The following OTUD7B variants were observed in gnomAD, a reference collection of about 807,000 sequenced individuals.
OTUD7B encodes OTU domain-containing protein 7B.
In OTUD7B, 34 loss-of-function variants were observed where a neutral mutation model predicts 82.2. The ratio of observed to expected loss-of-function variants is 0.41; its 90% CI spans 0.31 to 0.55. The LOEUF (loss-of-function observed/expected upper bound fraction) is 0.55, where lower values mean the gene tolerates loss of function less well. Ranked by LOEUF, OTUD7B falls within the 20% of genes least tolerant of loss-of-function variation. The pLI is 0.20. For missense variants in OTUD7B, 944 were observed against 1,062.1 expected, an observed-to-expected ratio of 0.89 and a Z score of 1.55; for synonymous variants, 398 against 402.7, an observed-to-expected ratio of 0.99 and a Z score of 0.14.
chr1:150,034,754 A>T, the OTUD7B span, among the ~76,000 whole-genome samples: 1 of 152,188 alleles, frequency 6.6e-6, no homozygotes, highest in African/African-American at 2.4e-5. Context: ...ATTTGTCCAA[A>T]AATATAAATA....
At chr1:150,065,007 C>T in the OTUD7B span, among the ~76,000 whole-genome samples, 2 of 152,076 alleles carry the variant, frequency 1.3e-5, no homozygotes, top group African/African-American at 4.8e-5. Context: ...AGCTGAAGTA[C>T]ATTTAATTAT....
chr1:150,066,197 A>G, the OTUD7B span, among the ~76,000 whole-genome samples: 3 of 152,240 alleles, frequency 2.0e-5, no homozygotes, highest in Admixed American at 6.5e-5. This position sits in a 1 kb window ranked among gnomAD's most constrained non-coding sequence, Gnocchi z 4.6. Flanking sequence ...TGAATTTTCA[A>G]ATATCAGTAA....
chr1:150,015,110 GTGAA>G (rs782146285), upstream of OTUD7B, among the ~76,000 whole-genome samples: 1 of 151,986 alleles, frequency 6.6e-6, no homozygotes, highest in Non-Finnish European at 1.5e-5. Flanking sequence ...TATCTATTAA[GTGAA>G]TGAATGAATG....
At chr1:149,959,591 T>C in intron 7 of OTUD7B, 93 bp downstream of exon 7, 1 of 764,372 alleles carries the variant, frequency 1.3e-6, no homozygotes, top group South Asian at 1.6e-5. Flanking sequence ...CCTTCTAATA[T>C]CCTCTTAGCA....
chr1:150,062,876 G>A, the OTUD7B span, among the ~76,000 whole-genome samples: 32 of 151,336 alleles, frequency 2.1e-4, no homozygotes, highest in African/African-American at 6.8e-4. Flanking sequence ...CACCACGCCC[G>A]GCTAATTGTG....
intron 1 of OTUD7B, among the ~76,000 whole-genome samples, chr1:149,981,109 G>A (rs782285250): frequency 7.3e-5 from 11 of 151,196 alleles, no homozygotes; most frequent in Admixed American, 4.6e-4. Context: ...AGGAGGAAGA[G>A]GAGGAGGAGG....
rs141761707 is a variant in OTUD7B, at chr1:150,009,743, G to T, written c.-67+705C>A. ...GAGCCGACAAGCTAAAAATACGCCG[G>T]CCCAGTAAACAAATCCCATTCCATC... On this transcript the variant is annotated intron_variant, in intron 1 of 11. Transcript: ENST00000581312. Among the ~76,000 whole-genome samples the T allele has an allele frequency of 5.0e-4, 76 of 152,152 alleles. 1 individual carries two copies. In the East Asian group the frequency reaches 0.014, roughly 28 times the overall value.
intron 7 of OTUD7B, among the ~76,000 whole-genome samples, chr1:149,951,783 C>A (rs1267790607): frequency 6.6e-6 from 1 of 151,940 alleles, no homozygotes; most frequent in African/African-American, 2.4e-5. Context: ...AATTTTTAAC[C>A]ATTATGGAAA....
chr1:149,946,601 G>T (rs1265542471), intron 11 of OTUD7B, among the ~76,000 whole-genome samples: 2 of 151,258 alleles, frequency 1.3e-5, no homozygotes, highest in Non-Finnish European at 2.9e-5. Context: ...AATCAGCCGG[G>T]TGTGGTGGCG....
upstream of OTUD7B, among the ~76,000 whole-genome samples, chr1:150,013,764 T>C (rs1191239070): frequency 1.3e-5 from 2 of 150,254 alleles, no homozygotes. Context: ...CTACTAAAAC[T>C]ACAAAAAATT....
rs1553773829 is a variant in OTUD7B, at chr1:149,952,953, T to C, written c.846-2732A>G. ...TTGTAGATTCTGGATATTAGCCCTT[T>C]GTCAGATGGGTAGATTGCAAAAATT... On this transcript the variant is annotated intron_variant, in intron 7 of 11. Coordinates refer to ENST00000581312, the MANE Select transcript of OTUD7B (RefSeq NM_020205.4). 5.3e-5 allele frequency among the ~76,000 whole-genome samples: 8 copies of C among 152,240 alleles called. No homozygotes were observed. The South Asian group carries it at 1.7e-3, about 31-fold the overall frequency.
chr1:149,943,746 C>T lies in OTUD7B; in HGVS notation c.*111G>A. 8.4e-7 allele frequency: 1 copy of T among 1,191,142 alleles called. No homozygotes were observed. The highest frequency in any genetic ancestry group is 1.2e-6 in the Non-Finnish European group (1 of 825,282). The allele number at this position is 1,191,142 out of a possible 1,614,324, so 73.8% of individuals were successfully genotyped here. A position where few individuals can be genotyped will look rare whatever the true frequency, so the allele number is the denominator to read the frequency against. On this transcript the variant is annotated 3_prime_UTR_variant, in exon 12 of 12. Transcript: ENST00000581312. ...ACACTTAAAAGTTTCCAGCCAGGCT[C>T]CCACAAACATTACTGCATTTTCCCC...
rs782027892 is a variant in OTUD7B, at chr1:149,944,647, A to G, written c.1742T>C (p.Val581Ala). 4 of 1,613,814 alleles carry G rather than the reference A, an allele frequency of 2.5e-6. No individual in the cohort carries two copies. In the African/African-American group the frequency reaches 5.3e-5, roughly 22 times the overall value. ...GCTATACTTGCTCCCTCCGTTACCA[A>G]CAGACTCAGCTGGGGGCTTCTCAGA... ...PVSEKPPAES[V>A]GNGGSKYSQE... Residue 581 changes from valine to alanine, a missense_variant, in exon 12 of 12, where the codon GTT (valine) becomes GCT (alanine). By Grantham distance (64) the Val-to-Ala change is moderately conservative (BLOSUM62 0). Transcript: ENST00000581312.
At chr1:149,959,254 G>T (rs113460670) in intron 7 of OTUD7B, among the ~76,000 whole-genome samples, 2,906 of 150,282 alleles carry the variant, frequency 0.019, 82 homozygotes, top group African/African-American at 0.065. Flanking sequence ...GAAAAAGAAA[G>T]GGGGTCTCAC....
intron 1 of OTUD7B, among the ~76,000 whole-genome samples, chr1:149,987,734 T>C (rs1448396042): frequency 6.6e-6 from 1 of 152,090 alleles, no homozygotes; most frequent in Non-Finnish European, 1.5e-5. Flanking sequence ...TCTTGACACA[T>C]ACACACAGTG....
chr1:150,065,852 T>TCTTTTTTTTTTTTTTTTTTTTTTTTAG, the OTUD7B span, among the ~76,000 whole-genome samples: 1 of 152,204 alleles, frequency 6.6e-6, no homozygotes, highest in African/African-American at 2.4e-5. Context: ...TCAAAATGTT[T>TCTTTTTTTTTTTTTTTTTTTTTTTTAG]ATGTTCCATA....
chr1:149,996,776 TA>T (rs1384623122), intron 1 of OTUD7B, among the ~76,000 whole-genome samples: 1 of 152,068 alleles, frequency 6.6e-6, no homozygotes, highest in African/African-American at 2.4e-5. Flanking sequence ...TACTAAAGAG[TA>T]AAGTTTTCTT....
chr1:149,958,387 G>A (rs1054380373), intron 7 of OTUD7B, among the ~76,000 whole-genome samples: 3 of 133,098 alleles, frequency 2.3e-5, no homozygotes, highest in Non-Finnish European at 3.1e-5. Flanking sequence ...GAGTGCAGTG[G>A]CACGAACTCG....
chr1:150,023,861 T>C, the OTUD7B span, among the ~76,000 whole-genome samples: 1 of 152,228 alleles, frequency 6.6e-6, no homozygotes. Flanking sequence ...TCTACATGTA[T>C]ACATATATAA....
Sources: gnomAD v4.1 joint callset for allele counts (sites outside exome capture counted in the v4.1 genomes callset) on GRCh38, gnomAD v4.1.1 for gene constraint, Gnocchi (gnomAD v3.1) non-coding constraint, MANE v1.5 for transcripts, NCBI Gene and HGNC (gene_info 2026-07-23, HGNC 2026-07-21) for gene names.